Variants in KCNMA1 observed in about 807,000 individuals in gnomAD.
The protein encoded by KCNMA1 is potassium calcium-activated channel subfamily M alpha 1.
In KCNMA1, 29 loss-of-function variants were observed where a neutral mutation model predicts 140.0. That is an observed-to-expected ratio of 0.21 (90% confidence interval 0.15 to 0.28). The LOEUF (loss-of-function observed/expected upper bound fraction) is 0.28. KCNMA1 is among the 10% of genes least tolerant of loss of function. KCNMA1 has a pLI of 1.00. For synonymous variants in KCNMA1, 612 were observed against 611.9 expected, an observed-to-expected ratio of 1.00 and a Z score of 0.00; for missense variants, 880 against 1,602.2, an observed-to-expected ratio of 0.55 and a Z score of 7.70.
chr10:77,100,727 G>C (rs1356588808), intron 9 of KCNMA1, among the ~76,000 whole-genome samples: 1 of 152,156 alleles, frequency 6.6e-6, no homozygotes, highest in African/African-American at 2.4e-5. Context: ...AAAACAGGGG[G>C]CAACCTAGTC....
In KCNMA1 at chr10:77,057,179, G is replaced by A. The variant is rs142400626; in HGVS notation, c.1749+15918C>T. ...CAAAGAGAAAATCTAGAAGGCAATC[G>A]GAGAAAAATGACTCATTACTTATAG... is the stretch of plus-strand genomic sequence containing the variant. On this transcript the variant is annotated intron_variant, in intron 14 of 27. Transcript: ENST00000286628. Among the ~76,000 whole-genome samples the A allele has an allele frequency of 3.8e-4, 58 of 152,140 alleles. No homozygotes were observed. The East Asian group carries it at 4.2e-3, about 11-fold the overall frequency.
At chr10:77,028,606 C>G (rs963233674) in intron 15 of KCNMA1, among the ~76,000 whole-genome samples, 2 of 152,086 alleles carry the variant, frequency 1.3e-5, no homozygotes, top group Non-Finnish European at 2.9e-5. Flanking sequence ...CTACTGCTAC[C>G]CTGTGATTTT....
intron 5 of KCNMA1, among the ~76,000 whole-genome samples, chr10:77,142,593 T>G (rs1254327908): frequency 6.6e-6 from 1 of 152,068 alleles, no homozygotes; most frequent in Non-Finnish European, 1.5e-5. Context: ...TGATGGCAAT[T>G]TTTTTAGGCC....
chr10:77,515,722 C>G (rs2154549347), intron 1 of KCNMA1, among the ~76,000 whole-genome samples: 1 of 151,348 alleles, frequency 6.6e-6, no homozygotes, highest in East Asian at 2.0e-4. Flanking sequence ...CTTTCCTTCT[C>G]TGCCTCCCCA....
At chr10:77,400,689 G>T (rs1236177249) in intron 2 of KCNMA1, among the ~76,000 whole-genome samples, 1 of 152,178 alleles carries the variant, frequency 6.6e-6, no homozygotes. Flanking sequence ...AAACAGAGAT[G>T]AATTCACTGA....
At chr10:76,974,300 T>C in intron 19 of KCNMA1, 1 of 513,710 alleles carries the variant, frequency 1.9e-6, no homozygotes, top group Non-Finnish European at 3.4e-6. Flanking sequence ...GTGAGGTCGT[T>C]TTAATTATTA....
intron 1 of KCNMA1, among the ~76,000 whole-genome samples, chr10:77,590,100 T>C (rs571575252): frequency 2.2e-4 from 33 of 152,300 alleles, no homozygotes; most frequent in East Asian, 9.7e-4. Context: ...AGGGTGCTGA[T>C]TGGTGTGTTT....
intron 1 of KCNMA1, among the ~76,000 whole-genome samples, chr10:77,617,478 T>C (rs1164592459): frequency 1.3e-5 from 2 of 152,226 alleles, no homozygotes; most frequent in Non-Finnish European, 2.9e-5. Context: ...TTAGTCCCTT[T>C]ATCCTGAAGG....
intron 20 of KCNMA1, among the ~76,000 whole-genome samples, chr10:76,963,419 C>T (rs1410661309): frequency 6.6e-6 from 1 of 152,196 alleles, no homozygotes; most frequent in Non-Finnish European, 1.5e-5. Context: ...AGTATAAGAA[C>T]CACCACTATA....
chr10:77,038,895 C>T (rs922483898), intron 15 of KCNMA1, among the ~76,000 whole-genome samples: 1 of 152,136 alleles, frequency 6.6e-6, no homozygotes, highest in African/African-American at 2.4e-5. Flanking sequence ...GAGGTCATCC[C>T]CCATAGGTGA....
chr10:77,625,209 G>A (rs756152040), intron 1 of KCNMA1, among the ~76,000 whole-genome samples: 3 of 151,974 alleles, frequency 2.0e-5, no homozygotes, highest in Admixed American at 1.3e-4. Context: ...GTGAAACCCC[G>A]TCTCTACTAA....
chr10:77,491,037 C>T (rs1431009870), intron 1 of KCNMA1, among the ~76,000 whole-genome samples: 1 of 152,200 alleles, frequency 6.6e-6, no homozygotes, highest in Non-Finnish European at 1.5e-5. Context: ...AGTGTTCCCC[C>T]ATTTCAAAGA....
Position 76,974,487 on chromosome 10 carries a change from C to A in KCNMA1, c.2267-4420G>T. Reference sequence around the variant, plus strand: ...GGAATGGGTCCCAGTCTTCCTTCACCTGGCTCGGTCACAAGCCGAGAATTG... The same window carrying A: ...GGAATGGGTCCCAGTCTTCCTTCACATGGCTCGGTCACAAGCCGAGAATTG... On this transcript the variant is annotated intron_variant, in intron 19 of 27. Transcript: ENST00000286628. The A allele has an allele frequency of 3.9e-6, 6 of 1,536,138 alleles. No homozygotes were observed. Among genetic ancestry groups the A allele is most frequent in the Non-Finnish European group, 5.3e-6 (6 of 1,133,972 alleles).
intron 2 of KCNMA1, among the ~76,000 whole-genome samples, chr10:77,386,683 T>C (rs867739629): frequency 6.6e-6 from 1 of 152,224 alleles, no homozygotes; most frequent in South Asian, 2.1e-4. Flanking sequence ...AATCCCATTT[T>C]CATCTTGATG....
intron 19 of KCNMA1, among the ~76,000 whole-genome samples, chr10:76,996,222 C>T (rs1341706883): frequency 2.6e-5 from 4 of 152,176 alleles, no homozygotes. Context: ...GGCAATTTTG[C>T]CCAAGCATGA....
chr10:77,311,901 T>A (rs1565903396), intron 2 of KCNMA1, among the ~76,000 whole-genome samples: 1 of 152,230 alleles, frequency 6.6e-6, no homozygotes, highest in Non-Finnish European at 1.5e-5. Flanking sequence ...CATGCTTTCC[T>A]AAGGGTGCAC....
intron 14 of KCNMA1, among the ~76,000 whole-genome samples, chr10:77,063,452 A>AG (rs1269004364): frequency 6.6e-6 from 1 of 152,160 alleles, no homozygotes; most frequent in African/African-American, 2.4e-5. Flanking sequence ...TCTCAAAAAA[A>AG]AAAGGTATAT....
intron 3 of KCNMA1, among the ~76,000 whole-genome samples, chr10:77,188,093 T>C (rs2098894770): frequency 6.6e-6 from 1 of 152,160 alleles, no homozygotes. Context: ...CTCTCCCTTC[T>C]TGTGTAAAGT....
At chr10:76,942,896 G>T (rs190154810) in intron 23 of KCNMA1, among the ~76,000 whole-genome samples, 1 of 152,144 alleles carries the variant, frequency 6.6e-6, no homozygotes, top group Non-Finnish European at 1.5e-5. Flanking sequence ...CCAAGGGTTG[G>T]TCACATCCTG....
Sources: allele counts gnomAD v4.1 joint callset (sites outside exome capture counted in the v4.1 genomes callset), GRCh38; gene constraint gnomAD v4.1.1; transcripts MANE v1.5; gene names NCBI Gene and HGNC (gene_info 2026-07-23, HGNC 2026-07-21).